Variants in PCDH15 observed in about 807,000 individuals in gnomAD.
The protein encoded by PCDH15 is protocadherin related 15.
A neutral mutation model predicts 178.5 loss-of-function variants in PCDH15; 129 were observed. That is an observed-to-expected ratio of 0.72 (90% CI 0.63 to 0.84). PCDH15 has a LOEUF of 0.84. PCDH15 is among the 40% of genes least tolerant of loss of function. The pLI, the probability that PCDH15 is intolerant of heterozygous loss-of-function variation, is 0.00. For synonymous variants in PCDH15, 800 were observed against 732.0 expected (o/e 1.09, Z -1.50); for missense variants, 2,230 against 2,099.9 (o/e 1.06, Z -1.21).
rs550477373 is a variant in PCDH15 at position 54,221,289 on chromosome 10, G to A, written c.986-7241C>T. 3.9e-5 allele frequency among the ~76,000 whole-genome samples: 6 copies of A among 152,152 alleles called. No homozygotes were observed. The South Asian group carries it at 1.2e-3, about 32-fold the overall frequency. Reference sequence around the variant, plus strand: ...CGTTTTTCACTTTTTCAGTATTATAGAGGAAATGGCAACCTAAATTAATCC... The same window carrying A: ...CGTTTTTCACTTTTTCAGTATTATAAAGGAAATGGCAACCTAAATTAATCC... On this transcript the variant is annotated intron_variant, in intron 9 of 37. Coordinates refer to ENST00000644397, the MANE Select transcript of PCDH15 (RefSeq NM_001384140.1).
intron 1 of PCDH15, among the ~76,000 whole-genome samples, chr10:55,192,735 C>CTA (rs1393752806): frequency 2.0e-5 from 3 of 150,730 alleles, no homozygotes; most frequent in South Asian, 2.1e-4. Context: ...CTCTCTCTCT[C>CTA]TCTCTCTATA....
intron 3 of PCDH15, among the ~76,000 whole-genome samples, chr10:54,409,848 T>A (rs1284288459): frequency 6.6e-6 from 1 of 152,136 alleles, no homozygotes; most frequent in Non-Finnish European, 1.5e-5. Context: ...ACTTGGGTGC[T>A]CTTGCCCTCT....
chr10:54,380,705 CATATATATATATATAT>C (rs58171476), intron 3 of PCDH15, among the ~76,000 whole-genome samples: 2 of 49,010 alleles, frequency 4.1e-5, no homozygotes, highest in South Asian at 8.3e-4. Flanking sequence ...ATATATGCTC[CATATATATATATATAT>C]ATATATATAT....
chr10:55,036,908 C>T (rs1481636436), intron 2 of PCDH15, among the ~76,000 whole-genome samples: 3 of 152,044 alleles, frequency 2.0e-5, no homozygotes, highest in African/African-American at 7.2e-5. Flanking sequence ...GTTAGCATAC[C>T]TAGGAACTAG....
intron 6 of PCDH15, among the ~76,000 whole-genome samples, chr10:54,344,904 C>CAAAAAAAAAAAAAAAAAAA (rs57295345): frequency 1.0e-4 from 8 of 78,886 alleles, no homozygotes; most frequent in East Asian, 1.4e-3. Flanking sequence ...AGAAACAAAG[C>CAAAAAAAAAAAAAAAAAAA]AAAAAAAAAA....
intron 3 of PCDH15, among the ~76,000 whole-genome samples, chr10:54,873,562 A>ATGTG (rs4007202): frequency 2.4e-4 from 34 of 143,898 alleles, no homozygotes; most frequent in South Asian, 1.5e-3. Context: ...ACATATACGT[A>ATGTG]TGTGTGTGTG....
At chr10:54,710,902 A>G (rs2095421972) in intron 1 of PCDH15, among the ~76,000 whole-genome samples, 1 of 152,148 alleles carries the variant, frequency 6.6e-6, no homozygotes, top group African/African-American at 2.4e-5. Context: ...GGTTCAAACC[A>G]GAATACTTTT....
intron 1 of PCDH15, among the ~76,000 whole-genome samples, chr10:55,184,879 A>G (rs1254555587): frequency 6.6e-6 from 1 of 151,940 alleles, no homozygotes; most frequent in Non-Finnish European, 1.5e-5. Context: ...CATTTATCAA[A>G]TAATGCCAAA....
chr10:54,442,291 G>A (rs2136167702), intron 3 of PCDH15, among the ~76,000 whole-genome samples: 1 of 149,112 alleles, frequency 6.7e-6, no homozygotes, highest in South Asian at 2.1e-4. Context: ...AGAAATCTTG[G>A]GGATAAACCG....
intron 10 of PCDH15, among the ~76,000 whole-genome samples, chr10:54,212,548 G>A (rs1273962661): frequency 6.6e-6 from 1 of 151,760 alleles, no homozygotes; most frequent in Non-Finnish European, 1.5e-5. Flanking sequence ...TTTAGCTTGG[G>A]GTGATCTCCA....
At chr10:53,992,878 G>C (rs2091619658) in intron 21 of PCDH15, among the ~76,000 whole-genome samples, 1 of 152,104 alleles carries the variant, frequency 6.6e-6, no homozygotes, top group Non-Finnish European at 1.5e-5. Flanking sequence ...CCTCCCTCTG[G>C]AGCACTTCAG....
At chr10:53,952,479 T>A (rs1168566758) in intron 23 of PCDH15, among the ~76,000 whole-genome samples, 1 of 152,028 alleles carries the variant, frequency 6.6e-6, no homozygotes, top group Non-Finnish European at 1.5e-5. Flanking sequence ...AGACTGGGGT[T>A]TTTATGGGCT....
chr10:55,040,131 A>G (rs1359465580), intron 2 of PCDH15, among the ~76,000 whole-genome samples: 2 of 152,158 alleles, frequency 1.3e-5, no homozygotes, highest in Admixed American at 1.3e-4. Flanking sequence ...TAATGTTCTG[A>G]GACCCTTACT....
At chr10:54,422,114 T>C (rs1165750410) in intron 3 of PCDH15, among the ~76,000 whole-genome samples, 2 of 151,638 alleles carry the variant, frequency 1.3e-5, no homozygotes, top group Non-Finnish European at 2.9e-5. Flanking sequence ...AATTATTGGA[T>C]AGATTGAGAT....
chr10:55,452,788 G>T (rs1303451387), intron 2 of PCDH15, among the ~76,000 whole-genome samples: 2 of 152,108 alleles, frequency 1.3e-5, no homozygotes, highest in Non-Finnish European at 2.9e-5. Flanking sequence ...GTTGTTGGGT[G>T]ATGACTAACC....
At chr10:54,160,355 G>A (rs770154046) in intron 13 of PCDH15, among the ~76,000 whole-genome samples, 5 of 152,116 alleles carry the variant, frequency 3.3e-5, no homozygotes, top group Non-Finnish European at 7.4e-5. Flanking sequence ...CTGAGGACAA[G>A]GGAAGAATAC....
intron 2 of PCDH15, among the ~76,000 whole-genome samples, chr10:54,623,883 G>C: frequency 6.6e-6 from 1 of 152,102 alleles, no homozygotes. Context: ...GTGTTGTCAT[G>C]AACAGGAAGA....
At chr10:55,584,207 T>C (rs1842679779) in intron 2 of PCDH15, among the ~76,000 whole-genome samples, 1 of 152,136 alleles carries the variant, frequency 6.6e-6, no homozygotes, top group Non-Finnish European at 1.5e-5. Context: ...ACTTTTTTAT[T>C]ATTTTCAGAG....
At chr10:55,549,679 T>C (rs1030789012) in intron 2 of PCDH15, among the ~76,000 whole-genome samples, 2 of 152,182 alleles carry the variant, frequency 1.3e-5, no homozygotes, top group Non-Finnish European at 2.9e-5. Context: ...GACTTTTCAA[T>C]GTTTCTCCTA....
Sources: gnomAD v4.1 joint callset for allele counts (sites outside exome capture counted in the v4.1 genomes callset) on GRCh38, gnomAD v4.1.1 for gene constraint, MANE v1.5 for transcripts, NCBI Gene and HGNC (gene_info 2026-07-23, HGNC 2026-07-21) for gene names.